SART3: variants seen among roughly 807,000 people sequenced by gnomAD.
SART3 encodes the protein HIV-1 Tat-interacting protein of 110kDa.
A neutral mutation model predicts 122.3 loss-of-function variants in SART3; 44 were observed. The observed-to-expected ratio is 0.36, with a 90% CI of 0.28 to 0.46. The LOEUF (loss-of-function observed/expected upper bound fraction) is 0.46. Among genes scored for constraint, SART3 ranks in the 20% least tolerant of loss-of-function variants. The probability of loss-of-function intolerance (pLI) is 1.00; values close to 1 mark genes in which losing one functional copy is unlikely to be tolerated. For missense variants in SART3, 1,101 were observed against 1,229.0 expected (o/e 0.90, Z 1.56); for synonymous variants, 442 against 454.0 (o/e 0.97, Z 0.34).
intron 5 of SART3, among the ~76,000 whole-genome samples, chr12:108,543,537 AGTTAATG>A (rs1448289978): frequency 2.6e-5 from 4 of 152,194 alleles, no homozygotes; most frequent in Non-Finnish European, 4.4e-5. Flanking sequence ...GCTCGTCTAC[AGTTAATG>A]GTAGAGCAAG....
intron 1 of SART3, among the ~76,000 whole-genome samples, chr12:108,557,096 A>G (rs893166926): frequency 6.6e-6 from 1 of 152,200 alleles, no homozygotes. Context: ...CATATATTAA[A>G]TACATACTGA....
At chr12:108,552,214 A>G (rs968326078) in intron 1 of SART3, among the ~76,000 whole-genome samples, 21 of 152,160 alleles carry the variant, frequency 1.4e-4, no homozygotes, top group African/African-American at 4.8e-4. Flanking sequence ...AAGAGCATCT[A>G]TAAAAAATCT....
intron 4 of SART3, 120 bp from the exon 5 acceptor site, chr12:108,544,598 T>G: frequency 7.1e-7 from 1 of 1,401,494 alleles, no homozygotes; most frequent in South Asian, 1.2e-5. Context: ...AGAAGGGTTC[T>G]TGCTGTCACC....
intron 12 of SART3, among the ~76,000 whole-genome samples, chr12:108,534,614 G>A (rs1439771870): frequency 6.6e-6 from 1 of 152,134 alleles, no homozygotes; most frequent in African/African-American, 2.4e-5. Flanking sequence ...CAGGAGGCAA[G>A]GTTGCAGCTG....
At chr12:108,549,347 G>C in intron 1 of SART3, 133 bp from the exon 2 acceptor site, 1 of 916,132 alleles carries the variant, frequency 1.1e-6, no homozygotes. Context: ...CACTGAAACA[G>C]CAACCCAGCA....
intron 7 of SART3, 138 bp from the exon 8 acceptor site, chr12:108,538,341 C>A (rs1479190128): frequency 3.7e-5 from 37 of 990,296 alleles, no homozygotes; most frequent in Admixed American, 2.1e-4. Flanking sequence ...TCAACAACAA[C>A]AAAAAAATCA....
At chr12:108,535,028 T>C (rs945498355) in intron 12 of SART3, among the ~76,000 whole-genome samples, 1 of 152,254 alleles carries the variant, frequency 6.6e-6, no homozygotes, top group African/African-American at 2.4e-5. Flanking sequence ...TTGAGTTTTT[T>C]TTCTCTTAGC....
At chr12:108,552,363 G>A (rs759027330) in intron 1 of SART3, among the ~76,000 whole-genome samples, 3 of 151,770 alleles carry the variant, frequency 2.0e-5, no homozygotes, top group Non-Finnish European at 4.4e-5. Context: ...ATAAGTTCTA[G>A]CCTGTTCAAT....
chr12:108,531,975 T>C, intron 13 of SART3: 1 of 481,632 alleles, frequency 2.1e-6, no homozygotes, highest in Admixed American at 3.1e-5. Flanking sequence ...TAACGCACAG[T>C]CCCCCCCACA....
Position 108,543,082 on chromosome 12 carries a change from G to A in SART3, c.852C>T (p.Asn284=). The change falls in exon 6 of 19, where the codon AAC becomes AAT. Residue 284 remains asparagine (N), a synonymous_variant. Transcript: ENST00000546815. ...EDPIPESVIQ[N]YNKALQQLEK... ...CCAGCTGCTGTAGTGCTTTGTTATA[G>A]TTCTGAATTACTGACTCTGGTATTG... The A allele has an allele frequency of 6.2e-7, 1 of 1,614,214 alleles. No homozygotes were observed. Among genetic ancestry groups the A allele is most frequent in the Non-Finnish European group, 8.5e-7 (1 of 1,180,044 alleles).
chr12:108,537,141 G>A (rs1872945030), intron 9 of SART3: 2 of 425,652 alleles, frequency 4.7e-6, no homozygotes, highest in South Asian at 2.2e-5. Context: ...GTTTTCGGGG[G>A]GACATGAAGG....
intron 1 of SART3, among the ~76,000 whole-genome samples, chr12:108,559,823 C>G (rs142894151): frequency 6.6e-6 from 1 of 152,264 alleles, no homozygotes; most frequent in African/African-American, 2.4e-5. Context: ...GTCTGCCCAG[C>G]AGGAGGCACC....
chr12:108,553,405 C>T (rs939190653), intron 1 of SART3, among the ~76,000 whole-genome samples: 2 of 152,192 alleles, frequency 1.3e-5, no homozygotes, highest in African/African-American at 4.8e-5. Flanking sequence ...TTATTTCTTA[C>T]AAGTGCATGG....
intron 3 of SART3, among the ~76,000 whole-genome samples, chr12:108,546,731 G>A (rs762362282): frequency 6.6e-6 from 1 of 152,012 alleles, no homozygotes; most frequent in Non-Finnish European, 1.5e-5. Context: ...ATGTTGGGCA[G>A]GCTGATTTCG....
rs139132042 is a variant in SART3, at chr12:108,539,118, T to G, written c.907-29A>C. 9,386 of 1,613,636 alleles carry G rather than the reference T, an allele frequency of 5.8e-3. 111 individuals are homozygous for G. The highest frequency in any genetic ancestry group is 5.4e-3 in the Non-Finnish European group (6,428 of 1,179,802). On this transcript the variant is annotated intron_variant, in intron 6 of 18. Transcript: ENST00000546815. The stretch of plus-strand genomic sequence containing the variant: ...GAGTACAGGAAAATTGTATTGAATT[T>G]AGTTACTGGCAGGAAGCACAACACA...
Position 108,549,182 on chromosome 12 carries a change from A to T in SART3, c.345T>A (p.His115Gln). 1 of 1,614,240 alleles carries T rather than the reference A, an allele frequency of 6.2e-7. No individual in the cohort carries two copies. The highest frequency in any genetic ancestry group is 1.1e-5 in the South Asian group (1 of 91,090). The change falls in exon 2 of 19, where the codon CAT becomes CAA. Residue 115 changes from histidine (H) to glutamine (Q), a missense_variant. By Grantham distance (24) the His-to-Gln change is conservative (BLOSUM62 0). Transcript: ENST00000546815. ...GCCTGAGCAGTCTGATCAAGTCCAC[A>T]TGGCAGTTGTAGTCATAGACGTTGA... is the stretch of plus-strand genomic sequence containing the variant. Reference protein sequence around the residue: ...LSINVYDYNCHVDLIRLLRLE... With the variant: ...LSINVYDYNCQVDLIRLLRLE...
At position 108,522,800 on chromosome 12, in the gene SART3, T is replaced by C. The variant is rs1858364519; in HGVS notation, c.*657A>G. On this transcript the variant is annotated 3_prime_UTR_variant, in exon 19 of 19. Transcript: ENST00000546815. ...CTCATGTTTAGACAACACAGGTCAC[T>C]AGTCACTAGGCAAAGAAAACAGTCC... The C allele has an allele frequency of 1.3e-5, 2 of 154,338 alleles. No individual in the cohort carries two copies. Among genetic ancestry groups the C allele is most frequent in the Admixed American group, 6.4e-5 (1 of 15,732 alleles). The allele number at this position is 154,338 out of a possible 1,614,324, so 9.6% of individuals were successfully genotyped here.
chr12:108,536,654 T>C (rs1872917925), intron 10 of SART3, 54 bp downstream of exon 10: 7 of 1,608,214 alleles, frequency 4.4e-6, no homozygotes, highest in Non-Finnish European at 6.0e-6. Context: ...AACCAGGAAA[T>C]AGTACAGACA....
In SART3 at chr12:108,523,847, CT is replaced by C. The variant is rs1205183583; in HGVS notation, c.2715-214del. On this transcript the variant is annotated intron_variant, in intron 18 of 18. Transcript: ENST00000546815. ...TGTTCAGTTTTGGCAAAGATCAACC[CT>C]GAGCACCAGTCACACTCAGAGGGGA... 14 of 619,170 alleles carry C rather than the reference CT, an allele frequency of 2.3e-5. No individual in the cohort carries two copies. The East Asian group carries it at 3.6e-4, about 16-fold the overall frequency. 38.4% of individuals were successfully genotyped at this position (619,170 alleles called of 1,614,324 possible).
Sources: gnomAD v4.1 joint callset for allele counts (sites outside exome capture counted in the v4.1 genomes callset) on GRCh38, gnomAD v4.1.1 for gene constraint, MANE v1.5 for transcripts, NCBI Gene and HGNC (gene_info 2026-07-23, HGNC 2026-07-21) for gene names.